The following SSBP3 variants were observed in gnomAD, a reference collection of about 807,000 sequenced individuals.
SSBP3 encodes single-stranded DNA-binding protein 3.
In SSBP3, 5 loss-of-function variants were observed where a neutral mutation model predicts 69.6. That is an observed-to-expected ratio of 0.07 (90% CI 0.04 to 0.15). The LOEUF is 0.15. Ranked by LOEUF, SSBP3 falls within the 10% of genes least tolerant of loss-of-function variation. The pLI is 1.00. For missense variants in SSBP3, 312 were observed against 534.0 expected, an observed-to-expected ratio of 0.58 and a Z score of 4.10; for synonymous variants, 196 against 193.4, an observed-to-expected ratio of 1.01 and a Z score of -0.11.
At chr1:54,318,631 G>A (rs1439797790) in intron 4 of SSBP3, among the ~76,000 whole-genome samples, 1 of 152,098 alleles carries the variant, frequency 6.6e-6, no homozygotes, top group African/African-American at 2.4e-5. Context: ...AGGAGCTGGA[G>A]GCACAGGCTG....
intron 4 of SSBP3, among the ~76,000 whole-genome samples, chr1:54,382,104 A>T (rs1647697015): frequency 6.6e-6 from 1 of 152,206 alleles, no homozygotes; most frequent in African/African-American, 2.4e-5. Flanking sequence ...TTAGGAAGGA[A>T]AATTGCTTGA....
At chr1:54,304,000 CA>C (rs1645850916) in intron 4 of SSBP3, among the ~76,000 whole-genome samples, 1 of 152,164 alleles carries the variant, frequency 6.6e-6, no homozygotes, top group South Asian at 2.1e-4. Flanking sequence ...CACGTGTTTG[CA>C]GAACGAATGA....
At chr1:54,270,344 C>T (rs777427961) in intron 5 of SSBP3, among the ~76,000 whole-genome samples, 10 of 152,188 alleles carry the variant, frequency 6.6e-5, no homozygotes, top group Non-Finnish European at 1.5e-4. Flanking sequence ...CAACACCTGC[C>T]TCCCAGCCTC....
chr1:54,393,133 A>G (rs946673463), intron 4 of SSBP3, among the ~76,000 whole-genome samples: 3 of 152,212 alleles, frequency 2.0e-5, no homozygotes, highest in African/African-American at 7.2e-5. Context: ...ACTAGGAGAG[A>G]AGAAAATGGA....
upstream of SSBP3, among the ~76,000 whole-genome samples, chr1:54,406,907 C>A (rs960259918): frequency 6.6e-6 from 1 of 151,366 alleles, no homozygotes; most frequent in African/African-American, 2.4e-5. Flanking sequence ...TGGTTGTCCT[C>A]CCCCTAGGCT....
chr1:54,284,259 T>G (rs1477446043), intron 4 of SSBP3, among the ~76,000 whole-genome samples: 2 of 151,978 alleles, frequency 1.3e-5, no homozygotes, highest in Admixed American at 6.6e-5. Context: ...TAACAGGCAT[T>G]AAATCTCAGT....
chr1:54,406,041 G>GCCGCCGCCGCCA, exon 1 of SSBP3: 2 of 1,299,914 alleles, frequency 1.5e-6, no homozygotes, highest in Non-Finnish European at 2.0e-6. Flanking sequence ...GAGCCTCGCC[G>GCCGCCGCCGCCA]CCGCCGCCGC....
intron 4 of SSBP3, among the ~76,000 whole-genome samples, chr1:54,317,885 C>A (rs1646142576): frequency 6.6e-6 from 1 of 152,182 alleles, no homozygotes; most frequent in South Asian, 2.1e-4. Context: ...CCTGCCTCAG[C>A]CTCCTGAGTA....
chr1:54,312,445 G>A (rs766728259), intron 4 of SSBP3, among the ~76,000 whole-genome samples: 20 of 151,870 alleles, frequency 1.3e-4, no homozygotes, highest in Admixed American at 1.3e-4. Context: ...TAAATTAGCC[G>A]GGTGTGGTGG....
upstream of SSBP3, among the ~76,000 whole-genome samples, chr1:54,407,994 A>T (rs959613948): frequency 1.8e-4 from 27 of 152,274 alleles, no homozygotes; most frequent in African/African-American, 6.5e-4. Context: ...AATGCCCCGC[A>T]GCAAAAGAAT....
chr1:54,243,013 C>G, intron 10 of SSBP3: 1 of 545,018 alleles, frequency 1.8e-6, no homozygotes, highest in Non-Finnish European at 3.3e-6. Context: ...ATGAGGTGAG[C>G]TGATGCACGC....
At chr1:54,398,503 C>T (rs373545236) in intron 4 of SSBP3, among the ~76,000 whole-genome samples, 37 of 152,302 alleles carry the variant, frequency 2.4e-4, no homozygotes, top group Non-Finnish European at 4.3e-4. Flanking sequence ...AAAGTCAAAG[C>T]GGAGAAGGTG....
rs751074720 is a variant in SSBP3 at position 54,258,108 on chromosome 1, T to A, written c.408A>T (p.Pro136=). ...CCATCATGCTGCTAGGATTGTGAGGTGGAGGCTGTGCGTGCGGCGAGGGCT... is the reference window on the plus strand; with the variant it reads ...CCATCATGCTGCTAGGATTGTGAGGAGGAGGCTGTGCGTGCGGCGAGGGCT... The change falls in exon 6 of 18, where the codon CCA becomes CCT. Residue 136 remains proline (P), a synonymous_variant. Coordinates refer to ENST00000610401, the Ensembl canonical transcript of SSBP3. This position sits in a 1 kb window ranked among gnomAD's most constrained non-coding sequence, Gnocchi z 4.5. The A allele has an allele frequency of 1.9e-6, 3 of 1,598,140 alleles. No individual in the cohort carries two copies. Among genetic ancestry groups the A allele is most frequent in the African/African-American group, 2.7e-5 (2 of 74,400 alleles).
At position 54,316,329 on chromosome 1, in the gene SSBP3, C is replaced by G. The variant is rs139031078; in HGVS notation, c.277-34802G>C. Among the ~76,000 whole-genome samples, 1,320 of 149,226 alleles carry G rather than the reference C, an allele frequency of 8.8e-3. 24 individuals carry two copies. Among genetic ancestry groups the G allele is most frequent in the African/African-American group, 0.031 (1,261 of 40,184 alleles). ...CCGCACTCCAGCCTGGACGACAGAG[C>G]GAGACTCTGTCTCAAAAATAAATAA... On this transcript the variant is annotated intron_variant, in intron 4 of 17. Transcript: ENST00000610401.
chr1:54,238,791 A>AG, intron 14 of SSBP3: 1 of 364,716 alleles, frequency 2.7e-6, no homozygotes, highest in Non-Finnish European at 5.3e-6. Flanking sequence ...TGCCCGGGCC[A>AG]CAGCCAGTTT....
chr1:54,403,523 A>C (rs1649456375), intron 3 of SSBP3, among the ~76,000 whole-genome samples: 1 of 152,220 alleles, frequency 6.6e-6, no homozygotes. Flanking sequence ...CTTCCGCCAC[A>C]CAAATGCCTC....
Position 54,337,791 on chromosome 1 carries a change from G to A in SSBP3, c.277-56264C>T, listed in dbSNP as rs140234928. Among the ~76,000 whole-genome samples, 18 of 151,456 alleles carry A rather than the reference G, an allele frequency of 1.2e-4. 1 individual carries two copies. In the East Asian group the frequency reaches 1.8e-3, roughly 15 times the overall value. ...ATGATAGGCGTGGGCCACCATGCCCGGCCTCCTCAAACTTTTTGAAGACAG... is the reference window on the plus strand; with the variant it reads ...ATGATAGGCGTGGGCCACCATGCCCAGCCTCCTCAAACTTTTTGAAGACAG... On this transcript the variant is annotated intron_variant, in intron 4 of 17. Transcript: ENST00000610401.
chr1:54,365,106 T>G (rs1475332677), intron 4 of SSBP3, among the ~76,000 whole-genome samples: 2 of 152,122 alleles, frequency 1.3e-5, no homozygotes, highest in South Asian at 2.1e-4. Context: ...CCGAAGAGCT[T>G]TTTTTGCACC....
At chr1:54,378,079 C>T (rs549740970) in intron 4 of SSBP3, among the ~76,000 whole-genome samples, 11 of 152,264 alleles carry the variant, frequency 7.2e-5, no homozygotes, top group Non-Finnish European at 5.9e-5. Flanking sequence ...ACTCTCCTGA[C>T]GTGCAGGCCA....
Sources: allele counts gnomAD v4.1 joint callset (sites outside exome capture counted in the v4.1 genomes callset), GRCh38; gene constraint gnomAD v4.1.1; non-coding constraint Gnocchi (gnomAD v3.1); transcripts MANE v1.5; gene names NCBI Gene and HGNC (gene_info 2026-07-23, HGNC 2026-07-21).